The following ZFP62 variants were observed in gnomAD, a reference collection of about 807,000 sequenced individuals.
The protein encoded by ZFP62 is zinc finger protein 62 homolog.
ZFP62 carries 44 observed loss-of-function variants against 56.4 expected under a neutral mutation model. The observed-to-expected ratio is 0.78, with a 90% CI of 0.61 to 1.00. The LOEUF is 1.00. Among genes scored for constraint, ZFP62 ranks in the 50% least tolerant of loss-of-function variants. The pLI, the probability that ZFP62 is intolerant of heterozygous loss-of-function variation, is 0.00. For synonymous variants in ZFP62, 421 were observed against 388.9 expected (o/e 1.08, Z -0.97); for missense variants, 1,030 against 1,085.7 (o/e 0.95, Z 0.72).
intron 1 of ZFP62, among the ~76,000 whole-genome samples, chr5:180,853,225 A>AAGT (rs1175670851): frequency 6.6e-6 from 1 of 152,270 alleles, no homozygotes; most frequent in African/African-American, 2.4e-5. Context: ...GCATATACAC[A>AAGT]ACGGAGTACT....
the ZFP62 span, among the ~76,000 whole-genome samples, chr5:180,827,049 T>A: frequency 3.3e-5 from 5 of 152,182 alleles, no homozygotes; most frequent in African/African-American, 1.2e-4. Context: ...CAAAATGTGT[T>A]CCTTTGAGCC....
At chr5:180,841,193 A>G in the ZFP62 span, among the ~76,000 whole-genome samples, 1 of 152,076 alleles carries the variant, frequency 6.6e-6, no homozygotes, top group African/African-American at 2.4e-5. Flanking sequence ...AACTTGCTGG[A>G]TAAGAGACCA....
the ZFP62 span, chr5:180,831,059 C>T: frequency 6.6e-6 from 1 of 152,468 alleles, no homozygotes; most frequent in South Asian, 2.1e-4. Context: ...CCGCCAGGAA[C>T]TTACTGGGGC....
chr5:180,851,595 G>T, intron 1 of ZFP62, 102 bp from the exon 2 acceptor site: 1 of 1,287,212 alleles, frequency 7.8e-7, no homozygotes, highest in Non-Finnish European at 1.0e-6. Context: ...AACATTTACT[G>T]ACAACATACT....
rs1186012714 is a variant in ZFP62 at position 180,848,275 on chromosome 5, T to G, written c.*517A>C. 1 of 985,448 alleles carries G rather than the reference T, an allele frequency of 1.0e-6. No homozygotes were observed. Among genetic ancestry groups the G allele is most frequent in the African/African-American group, 1.7e-5 (1 of 57,222 alleles). The allele number at this position is 985,448 out of a possible 1,614,324, so 61.0% of individuals were successfully genotyped here. A position where few individuals can be genotyped will look rare whatever the true frequency, so the allele number is the denominator to read the frequency against. ...CCCCTCCCAAACCAATTACATCAAG[T>G]TTATACTTAAAGACCACTAATATTA... On this transcript the variant is annotated 3_prime_UTR_variant, in exon 2 of 2. Transcript: ENST00000502412.
the ZFP62 span, among the ~76,000 whole-genome samples, chr5:180,842,080 T>C: frequency 6.6e-6 from 1 of 152,076 alleles, no homozygotes; most frequent in Admixed American, 6.5e-5. Context: ...AGTCTATTAC[T>C]GAGAAACAGA....
chr5:180,850,958 C>T lies in ZFP62; in HGVS notation c.537G>A (p.Arg179=), dbSNP rs1176636101. The T allele has an allele frequency of 6.4e-7, 1 of 1,554,250 alleles. No homozygotes were observed. Among genetic ancestry groups the T allele is most frequent in the African/African-American group, 1.4e-5 (1 of 73,214 alleles). Residue 179 remains arginine, a synonymous_variant, in exon 2 of 2, where the codon CGG becomes CGA. Transcript: ENST00000502412. The stretch of plus-strand genomic sequence containing the variant: ...TGTGGACCCGAAGGCTCGAGCTGCT[C>T]CGGAAAGTCCCTCCACAGTCATCAC... ...YECDDCGGTF[R]SSSSLRVHKR...
the ZFP62 span, among the ~76,000 whole-genome samples, chr5:180,836,168 C>A: frequency 6.6e-6 from 1 of 152,248 alleles, no homozygotes; most frequent in Non-Finnish European, 1.5e-5. Context: ...ATGATGTTCA[C>A]ACAACGGCCT....
chr5:180,848,407 T>C lies in ZFP62; in HGVS notation c.*385A>G, dbSNP rs1008096213. The C allele has an allele frequency of 4.0e-6, 4 of 998,854 alleles. No homozygotes were observed. The highest frequency in any genetic ancestry group is 5.6e-5 in the Admixed American group (1 of 17,714). The allele number at this position is 998,854 out of a possible 1,614,324, so 61.9% of individuals were successfully genotyped here. On this transcript the variant is annotated 3_prime_UTR_variant, in exon 2 of 2. Transcript: ENST00000502412. ...ATTGGGATTCAAAGCTATACCTGAA[T>C]TTCCTACATTTCTAGTAACAGAATT...
chr5:180,854,662 G>C (rs188667070), intron 1 of ZFP62, among the ~76,000 whole-genome samples: 87 of 152,320 alleles, frequency 5.7e-4, no homozygotes, highest in African/African-American at 2.0e-3. Context: ...GGGGCAGATA[G>C]ACATAATATG....
At chr5:180,855,572 G>A (rs754344415) in intron 1 of ZFP62, among the ~76,000 whole-genome samples, 11 of 151,960 alleles carry the variant, frequency 7.2e-5, no homozygotes, top group Admixed American at 2.0e-4. Flanking sequence ...CCCACACACC[G>A]TCTCAGGTCC....
chr5:180,837,712 A>C, the ZFP62 span, among the ~76,000 whole-genome samples: 1 of 152,222 alleles, frequency 6.6e-6, no homozygotes, highest in Non-Finnish European at 1.5e-5. Flanking sequence ...AATTTTCCCC[A>C]CAAGACTCTT....
At chr5:180,841,840 G>A in the ZFP62 span, among the ~76,000 whole-genome samples, 1 of 152,168 alleles carries the variant, frequency 6.6e-6, no homozygotes, top group Non-Finnish European at 1.5e-5. Context: ...GATCACTTGA[G>A]GTCAGGAGTT....
At position 180,849,380 on chromosome 5, in the gene ZFP62, T is replaced by C. The variant is rs1773555464; in HGVS notation, c.2115A>G (p.Glu705=). 1 of 1,550,944 alleles carries C rather than the reference T, an allele frequency of 6.4e-7. No homozygotes were observed. The highest frequency in any genetic ancestry group is 8.7e-7 in the Non-Finnish European group (1 of 1,146,632). The part of the protein sequence containing the change: ...HPGRTPHTCD[E]CGKAFFSSRT... Reference sequence around the variant, plus strand: ...TGCTTGAGAAAAAAGCTTTTCCACATTCATCACATGTATGGGGTGTCCTGC... The same window carrying C: ...TGCTTGAGAAAAAAGCTTTTCCACACTCATCACATGTATGGGGTGTCCTGC... Residue 705 remains glutamate (E), a synonymous_variant, in exon 2 of 2, where the codon GAA becomes GAG. Coordinates refer to ENST00000502412, the MANE Select transcript of ZFP62 (RefSeq NM_001172638.2).
rs770926297 is a variant in ZFP62, at chr5:180,850,842, G to A, written c.653C>T (p.Thr218Ile). 17 of 1,563,722 alleles carry A rather than the reference G, an allele frequency of 1.1e-5. No homozygotes were observed. Among genetic ancestry groups the A allele is most frequent in the Admixed American group, 1.9e-5 (1 of 51,800 alleles). The change falls in exon 2 of 2, where the codon ACC becomes ATC. Residue 218 changes from threonine (T) to isoleucine (I), a missense_variant. By Grantham distance (89) the Thr-to-Ile change is moderately conservative. Coordinates refer to ENST00000502412, the MANE Select transcript of ZFP62 (RefSeq NM_001172638.2). ...SYSSLINHKS[T>I]HSGEKNCKCD... ...TTTACAGTTCTTCTCCCCAGAATGG[G>A]TGCTTTTGTGGTTTATAAGGCTGGA... is the stretch of plus-strand genomic sequence containing the variant.
At position 180,850,682 on chromosome 5, in the gene ZFP62, G is replaced by T; in HGVS notation, c.813C>A (p.His271Gln). The T allele has an allele frequency of 6.3e-7, 1 of 1,595,508 alleles. No homozygotes were observed. Among genetic ancestry groups the T allele is most frequent in the East Asian group, 2.3e-5 (1 of 43,916 alleles). Reference sequence around the variant, plus strand: ...GCTTCTCCCCCGTGTGGATCCTTTTGTGGACTCTGAGCCCAGAGCTGTTCC... The same window carrying T: ...GCTTCTCCCCCGTGTGGATCCTTTTTTGGACTCTGAGCCCAGAGCTGTTCC... ...AFRNSSGLRVHKRIHTGEKPY... is the reference protein window; with the variant it reads ...AFRNSSGLRVQKRIHTGEKPY... Residue 271 changes from histidine (H) to glutamine (Q), a missense_variant, in exon 2 of 2, where the codon CAC becomes CAA. Coordinates refer to ENST00000502412, the MANE Select transcript of ZFP62 (RefSeq NM_001172638.2).
At chr5:180,836,046 T>C in the ZFP62 span, among the ~76,000 whole-genome samples, 1 of 152,250 alleles carries the variant, frequency 6.6e-6, no homozygotes, top group Non-Finnish European at 1.5e-5. Context: ...GCCTACAGTA[T>C]TCAGAGTACA....
At position 180,860,252 on chromosome 5, in the gene ZFP62, A is replaced by C. The variant is rs373540419; in HGVS notation, c.1+967T>G. 5.9e-5 allele frequency among the ~76,000 whole-genome samples: 9 copies of C among 152,362 alleles called. No homozygotes were observed. In the East Asian group the frequency reaches 1.5e-3, roughly 26 times the overall value. ...GTGGTTACCTAAGAGGGTAGGGCCT[A>C]GGAAGATACCTAAGCGGGATGGGAA... On this transcript the variant is annotated intron_variant, in intron 1 of 1. Coordinates refer to ENST00000502412, the MANE Select transcript of ZFP62 (RefSeq NM_001172638.2).
Position 180,847,931 on chromosome 5 carries a change from C to T in ZFP62, c.*861G>A, listed in dbSNP as rs1364535618. On this transcript the variant is annotated 3_prime_UTR_variant, in exon 2 of 2. Transcript: ENST00000502412. ...TGAATCACTTCTGTCATGTAAGGTG[C>T]GAATTCATGTTGACGGTGTGTTCCA... 7 of 985,394 alleles carry T rather than the reference C, an allele frequency of 7.1e-6. No individual in the cohort carries two copies. The highest frequency in any genetic ancestry group is 8.4e-6 in the Non-Finnish European group (7 of 829,920). The allele number at this position is 985,394 out of a possible 1,614,324, so 61.0% of individuals were successfully genotyped here. A position where few individuals can be genotyped will look rare whatever the true frequency, so the allele number is the denominator to read the frequency against.
Sources: gnomAD v4.1 joint callset for allele counts (sites outside exome capture counted in the v4.1 genomes callset) on GRCh38, gnomAD v4.1.1 for gene constraint, MANE v1.5 for transcripts, NCBI Gene and HGNC (gene_info 2026-07-23, HGNC 2026-07-21) for gene names.